The following UTP20 variants were observed in gnomAD, a reference collection of about 807,000 sequenced individuals.
UTP20 encodes the protein small subunit processome component 20 homolog.
UTP20 carries 164 observed loss-of-function variants against 329.5 expected under a neutral mutation model. The observed-to-expected ratio is 0.50, with a 90% CI of 0.44 to 0.57. The LOEUF is 0.57. Among genes scored for constraint, UTP20 ranks in the 20% least tolerant of loss-of-function variants. The probability of loss-of-function intolerance (pLI) is 0.00; values close to 1 mark genes in which losing one functional copy is unlikely to be tolerated. For synonymous variants in UTP20, 1,151 were observed against 1,159.3 expected (o/e 0.99, Z 0.14); for missense variants, 3,055 against 3,284.2 (o/e 0.93, Z 1.71).
At chr12:101,307,404 TCTCA>T (rs1423325244) in intron 17 of UTP20, among the ~76,000 whole-genome samples, 1 of 151,954 alleles carries the variant, frequency 6.6e-6, no homozygotes, top group Non-Finnish European at 1.5e-5. Context: ...TTTTACGGGG[TCTCA>T]CTCTGTCACC....
In UTP20 at chr12:101,381,418, C is replaced by T. The variant is rs140680524; in HGVS notation, c.7656+207C>T. ...GGCATGGTTGCGGGTGCCTGTAATCCGAGCTACTTGGGAGGCTGAGGCAGG... is the reference window on the plus strand; with the variant it reads ...GGCATGGTTGCGGGTGCCTGTAATCTGAGCTACTTGGGAGGCTGAGGCAGG... On this transcript the variant is annotated intron_variant, in intron 58 of 61. Transcript: ENST00000261637. 7.6e-3 allele frequency among the ~76,000 whole-genome samples: 1,151 copies of T among 152,264 alleles called. 16 individuals are homozygous for T. Among genetic ancestry groups the T allele is most frequent in the African/African-American group, 0.026 (1,078 of 41,564 alleles).
chr12:101,361,900 T>C, intron 43 of UTP20, 62 bp from the exon 44 acceptor site: 3 of 1,315,768 alleles, frequency 2.3e-6, no homozygotes, highest in Non-Finnish European at 3.3e-6. Context: ...GCTTCCTAGA[T>C]CTTATGTTTT....
chr12:101,323,553 A>G (rs1338206712), intron 25 of UTP20, among the ~76,000 whole-genome samples: 1 of 152,148 alleles, frequency 6.6e-6, no homozygotes, highest in African/African-American at 2.4e-5. Context: ...ATCATGTTGT[A>G]TGACTTCACA....
intron 15 of UTP20, among the ~76,000 whole-genome samples, chr12:101,304,937 C>T (rs148457795): frequency 1.4e-4 from 22 of 152,334 alleles, no homozygotes; most frequent in African/African-American, 5.3e-4. Flanking sequence ...CAGACAAGCA[C>T]ACCTCAGACT....
chr12:101,280,114 C>T lies in UTP20; in HGVS notation c.-169C>T. 1 of 814,836 alleles carries T rather than the reference C, an allele frequency of 1.2e-6. No homozygotes were observed. Among genetic ancestry groups the T allele is most frequent in the Non-Finnish European group, 1.9e-6 (1 of 524,840 alleles). 50.5% of individuals were successfully genotyped at this position (814,836 alleles called of 1,614,324 possible). A position where few individuals can be genotyped will look rare whatever the true frequency, so the allele number is the denominator to read the frequency against. On this transcript the variant is annotated 5_prime_UTR_variant, in exon 1 of 62. Transcript: ENST00000261637. Reference sequence around the variant, plus strand: ...TCCGTCCACGTGACCCACTCAGGCTCCTCCTTGTCTCCAACATGGCGGCGC... The same window carrying T: ...TCCGTCCACGTGACCCACTCAGGCTTCTCCTTGTCTCCAACATGGCGGCGC...
At position 101,385,695 on chromosome 12, in the gene UTP20, A is replaced by G; in HGVS notation, c.8169A>G (p.Lys2723=). Residue 2723 remains lysine, a synonymous_variant, in exon 61 of 62, where the codon AAA becomes AAG. Coordinates refer to ENST00000261637, the MANE Select transcript of UTP20 (RefSeq NM_014503.3). ...CTGTACAGAAACAGGCTAATGAGAA[A>G]AGGGCACTCCGGAAAAAGAGGAAGG... ...FASVQKQANE[K]RALRKKRKAL... 1 of 1,611,176 alleles carries G rather than the reference A, an allele frequency of 6.2e-7. No individual in the cohort carries two copies. Among genetic ancestry groups the G allele is most frequent in the South Asian group, 1.1e-5 (1 of 90,030 alleles).
In UTP20 at chr12:101,330,652, C is replaced by T. The variant is rs139893953; in HGVS notation, c.3417+1203C>T. On this transcript the variant is annotated intron_variant, in intron 27 of 61. Transcript: ENST00000261637. ...AGAATCAGGTGAGAACCTGTTTATG[C>T]TTTGTAGCAAGTGATAGTGACTTTG... 2.2e-3 allele frequency among the ~76,000 whole-genome samples: 333 copies of T among 152,260 alleles called. 2 individuals are homozygous for T. The highest frequency in any genetic ancestry group is 7.1e-3 in the African/African-American group (295 of 41,562).
intron 3 of UTP20, 21 bp downstream of exon 3, chr12:101,285,657 A>G (rs1295522400): frequency 3.1e-6 from 5 of 1,613,628 alleles, no homozygotes; most frequent in Admixed American, 1.7e-5. Context: ...TTTCGTTTCT[A>G]TTTTATTCAC....
rs750715102 is a variant in UTP20 at position 101,346,453 on chromosome 12, C to A, written c.4749C>A (p.Ile1583=). The change falls in exon 38 of 62, where the codon ATC becomes ATA. Residue 1583 remains isoleucine (I), a splice_region_variant and synonymous_variant. Transcript: ENST00000261637. ...DFFENMKHIQ[I]HRRARALKKL... ...TTCATATTTTATCTTACCCATAGATCCACAGAAGAGCAAGAGCCTTGAAGA... is the reference window on the plus strand; with the variant it reads ...TTCATATTTTATCTTACCCATAGATACACAGAAGAGCAAGAGCCTTGAAGA... 1.3e-6 allele frequency: 2 copies of A among 1,595,974 alleles called. No individual in the cohort carries two copies. Among genetic ancestry groups the A allele is most frequent in the Middle Eastern group, 1.7e-4 (1 of 5,966 alleles).
Position 101,342,840 on chromosome 12 carries a change from A to G in UTP20, c.4296+3A>G. On this transcript the variant is annotated splice_donor_region_variant and intron_variant, in intron 34 of 61. Coordinates refer to ENST00000261637, the MANE Select transcript of UTP20 (RefSeq NM_014503.3). ...AATATATTACTGATGTTGTCAAGGT[A>G]AGAAAGAAGGGTTTCTCTTTGGCTT... 6 of 1,613,114 alleles carry G rather than the reference A, an allele frequency of 3.7e-6. No homozygotes were observed. Among genetic ancestry groups the G allele is most frequent in the Non-Finnish European group, 4.2e-6 (5 of 1,179,608 alleles).
At chr12:101,381,060 A>G in intron 57 of UTP20, 80 bp from the exon 58 acceptor site, 1 of 1,198,850 alleles carries the variant, frequency 8.3e-7, no homozygotes, top group South Asian at 1.2e-5. Context: ...TAGTTGTATT[A>G]CAGTTATTAT....
At chr12:101,304,225 G>C (rs1288622012) in intron 15 of UTP20, among the ~76,000 whole-genome samples, 1 of 152,104 alleles carries the variant, frequency 6.6e-6, no homozygotes, top group Non-Finnish European at 1.5e-5. Flanking sequence ...GAGCACCTAG[G>C]TTTCACAGCC....
Position 101,285,601 on chromosome 12 carries a change from T to A in UTP20, c.158T>A (p.Leu53Gln), listed in dbSNP as rs574807809. The A allele has an allele frequency of 2.7e-5, 44 of 1,613,896 alleles. 1 individual carries two copies. The South Asian group carries it at 4.5e-4, about 17-fold the overall frequency. Reference protein sequence around the residue: ...EVETYFFEGLLKWRELNLTEH... With the variant: ...EVETYFFEGLQKWRELNLTEH... Reference sequence around the variant, plus strand: ...GAAACCTACTTTTTTGAGGGTCTGCTGAAATGGAGAGAATTAAACCTCACA... The same window carrying A: ...GAAACCTACTTTTTTGAGGGTCTGCAGAAATGGAGAGAATTAAACCTCACA... Residue 53 changes from leucine to glutamine, a missense_variant, in exon 3 of 62, where the codon CTG becomes CAG. Physicochemically the swap from Leu to Gln is moderately radical, Grantham distance 113. Coordinates refer to ENST00000261637, the MANE Select transcript of UTP20 (RefSeq NM_014503.3).
intron 25 of UTP20, 62 bp from the exon 26 acceptor site, chr12:101,327,019 A>C (rs1868583043): frequency 2.0e-6 from 3 of 1,527,114 alleles, no homozygotes; most frequent in Non-Finnish European, 2.7e-6. Flanking sequence ...CTTTTAGGCA[A>C]ATAAAACAAC....
At chr12:101,363,801 A>T in intron 45 of UTP20, 58 bp downstream of exon 45, 4 of 1,176,988 alleles carry the variant, frequency 3.4e-6, no homozygotes, top group Non-Finnish European at 5.0e-6. Context: ...GAGTTCCTAA[A>T]AGGAACCATG....
rs200034509 is a variant in UTP20, at chr12:101,290,305, A to G, written c.735+31A>G. On this transcript the variant is annotated intron_variant, in intron 7 of 61. Coordinates refer to ENST00000261637, the MANE Select transcript of UTP20 (RefSeq NM_014503.3). ...TAATGGGGAGGGGTGCTTAGAGTCT[A>G]TGTGGATGGATGAAACAGAAAGTAG... 5.1e-6 allele frequency: 8 copies of G among 1,554,024 alleles called. No individual in the cohort carries two copies. The South Asian group carries it at 8.9e-5, about 17-fold the overall frequency.
chr12:101,333,529 T>C, intron 28 of UTP20, 85 bp downstream of exon 28: 4 of 1,495,482 alleles, frequency 2.7e-6, no homozygotes, highest in Non-Finnish European at 3.6e-6. Flanking sequence ...CACCCAGACA[T>C]GAATGCTTAC....
At chr12:101,338,405 G>T in intron 30 of UTP20, 128 bp downstream of exon 30, 1 of 843,894 alleles carries the variant, frequency 1.2e-6, no homozygotes. Flanking sequence ...TTTTCCCTGG[G>T]AACTAATACT....
chr12:101,307,596 C>T (rs543308019), intron 17 of UTP20, among the ~76,000 whole-genome samples: 14 of 152,252 alleles, frequency 9.2e-5, no homozygotes, highest in East Asian at 1.9e-4. Flanking sequence ...AGGCTGGTCT[C>T]GAACTCCAGA....
Sources: allele counts gnomAD v4.1 joint callset (sites outside exome capture counted in the v4.1 genomes callset), GRCh38; gene constraint gnomAD v4.1.1; transcripts MANE v1.5; gene names NCBI Gene and HGNC (gene_info 2026-07-23, HGNC 2026-07-21).